IGSF11: variants seen among roughly 807,000 people sequenced by gnomAD.
The protein encoded by IGSF11 is immunoglobulin superfamily member 11.
A neutral mutation model predicts 41.0 loss-of-function variants in IGSF11; 22 were observed. That is an observed-to-expected ratio of 0.54 (90% CI 0.38 to 0.77). IGSF11 has a LOEUF of 0.77. Ranked by LOEUF, IGSF11 falls within the 30% of genes least tolerant of loss-of-function variation. The pLI, the probability that IGSF11 is intolerant of heterozygous loss-of-function variation, is 0.00. For synonymous variants in IGSF11, 219 were observed against 201.3 expected (o/e 1.09, Z -0.74); for missense variants, 444 against 530.8 (o/e 0.84, Z 1.61).
intron 1 of IGSF11, among the ~76,000 whole-genome samples, chr3:119,128,984 T>C (rs1041165014): frequency 2.6e-5 from 4 of 152,088 alleles, no homozygotes; most frequent in African/African-American, 9.7e-5. Flanking sequence ...TATGAAGCCA[T>C]AAAAAATGAG....
At chr3:119,051,221 A>C (rs1941613611) in intron 1 of IGSF11, among the ~76,000 whole-genome samples, 1 of 151,968 alleles carries the variant, frequency 6.6e-6, no homozygotes, top group Non-Finnish European at 1.5e-5. Flanking sequence ...TGCTGTCTTC[A>C]AGAGATTCAG....
At chr3:119,005,860 A>T (rs1159623133) in intron 1 of IGSF11, among the ~76,000 whole-genome samples, 1 of 126,324 alleles carries the variant, frequency 7.9e-6, no homozygotes, top group African/African-American at 3.8e-5. Context: ...CTTCCCTTTG[A>T]GGGTAACCCG....
At chr3:119,116,560 T>C (rs1013593644) in intron 1 of IGSF11, among the ~76,000 whole-genome samples, 3 of 152,206 alleles carry the variant, frequency 2.0e-5, no homozygotes, top group Admixed American at 2.0e-4. Flanking sequence ...ATTCCTGGCA[T>C]ATTGGGCCAT....
At chr3:119,046,288 G>A (rs993824125) in intron 1 of IGSF11, among the ~76,000 whole-genome samples, 3,752 of 151,040 alleles carry the variant, frequency 0.025, 158 homozygotes, top group African/African-American at 0.086. Flanking sequence ...CCAATACAGA[G>A]AAGTGCTTAA....
At chr3:118,932,916 T>C (rs533936985) in intron 1 of IGSF11, among the ~76,000 whole-genome samples, 2 of 152,292 alleles carry the variant, frequency 1.3e-5, no homozygotes, top group Non-Finnish European at 2.9e-5. Flanking sequence ...CAATCTTTGA[T>C]ACAAATTTTT....
intron 1 of IGSF11, among the ~76,000 whole-genome samples, chr3:119,132,418 C>A (rs1258612709): frequency 7.2e-6 from 1 of 139,792 alleles, no homozygotes; most frequent in South Asian, 2.3e-4. Context: ...GCAGGGGTTG[C>A]GATCCTAGTC....
In IGSF11 at chr3:118,902,774, G is replaced by A; in HGVS notation, c.1042C>T (p.His348Tyr). Residue 348 changes from histidine (H) to tyrosine (Y), a missense_variant, in exon 7 of 7, where the codon CAC becomes TAC. By Grantham distance (83) the His-to-Tyr change is moderately conservative (BLOSUM62 2). This residue lies in a region of IGSF11 where 223 missense variants were observed against 226.2 expected (regional missense o/e 0.99). Coordinates refer to ENST00000393775, the MANE Select transcript of IGSF11 (RefSeq NM_001015887.3). Reference protein sequence around the residue: ...FSDLGQSFSFHSGNANIPSIY... With the variant: ...FSDLGQSFSFYSGNANIPSIY... ...GATGGTATGTTGGCATTGCCTGAGT[G>A]GAAAGAGAAAGATTGGCCCAAGTCA... 1 of 1,614,176 alleles carries A rather than the reference G, an allele frequency of 6.2e-7. No homozygotes were observed. The highest frequency in any genetic ancestry group is 8.5e-7 in the Non-Finnish European group (1 of 1,180,006).
intron 1 of IGSF11, among the ~76,000 whole-genome samples, chr3:118,994,025 T>G (rs953365413): frequency 6.6e-6 from 1 of 152,234 alleles, no homozygotes; most frequent in African/African-American, 2.4e-5. Context: ...ATATGAATTA[T>G]ATGTCAATAA....
At chr3:118,993,718 C>CT (rs1374892855) in intron 1 of IGSF11, among the ~76,000 whole-genome samples, 1 of 152,052 alleles carries the variant, frequency 6.6e-6, no homozygotes, top group East Asian at 1.9e-4. Flanking sequence ...ATGGATGAAC[C>CT]TTGAAAACAT....
At chr3:118,947,546 T>C (rs552243356) in intron 1 of IGSF11, 2 of 152,312 alleles carry the variant, frequency 1.3e-5, no homozygotes, top group Admixed American at 1.3e-4. Flanking sequence ...CCAATACTTG[T>C]TATAAATAAG....
rs867018374 is a variant in IGSF11 at position 119,083,203 on chromosome 3, C to T, written c.49+21941G>A. On this transcript the variant is annotated intron_variant, in intron 1 of 6. Coordinates refer to the IGSF11 transcript ENST00000354673. ...GGTGGAGTGCAGTGGCATGATCTTG[C>T]TGCGGCCTCGACTTCGTGGGCTCAG... Among the ~76,000 whole-genome samples the T allele has an allele frequency of 2.8e-5, 4 of 144,246 alleles. No homozygotes were observed. The Admixed American group carries it at 2.8e-4, about 10-fold the overall frequency. 94.6% of individuals were successfully genotyped at this position (144,246 alleles called of 152,430 possible).
At chr3:119,092,403 T>C (rs2076778490) in intron 1 of IGSF11, among the ~76,000 whole-genome samples, 1 of 152,106 alleles carries the variant, frequency 6.6e-6, no homozygotes. Flanking sequence ...TGGCGCAATT[T>C]TGGCTCACTG....
chr3:118,923,262 A>C (rs1191562702), intron 4 of IGSF11, among the ~76,000 whole-genome samples: 1 of 152,176 alleles, frequency 6.6e-6, no homozygotes, highest in Non-Finnish European at 1.5e-5. Context: ...GACTCGGGCA[A>C]GTAACCAGTG....
At chr3:119,124,611 C>T (rs937499724) in intron 1 of IGSF11, among the ~76,000 whole-genome samples, 1 of 151,552 alleles carries the variant, frequency 6.6e-6, no homozygotes, top group Non-Finnish European at 1.5e-5. Flanking sequence ...TGAAAATATA[C>T]AGTCAGAAGA....
intron 1 of IGSF11, among the ~76,000 whole-genome samples, chr3:119,057,411 A>T (rs547940362): frequency 4.6e-5 from 7 of 152,288 alleles, no homozygotes; most frequent in African/African-American, 1.7e-4. Flanking sequence ...AATCCAACTT[A>T]CAAGGGATGT....
intron 1 of IGSF11, among the ~76,000 whole-genome samples, chr3:119,020,661 T>C (rs1381263764): frequency 1.3e-5 from 2 of 152,234 alleles, no homozygotes; most frequent in African/African-American, 4.8e-5. Context: ...GTTGTTCCTT[T>C]TCTCCTTACA....
At chr3:119,076,253 C>A (rs1250506514) in intron 1 of IGSF11, among the ~76,000 whole-genome samples, 10 of 152,124 alleles carry the variant, frequency 6.6e-5, no homozygotes, top group African/African-American at 1.7e-4. Context: ...CTTATACAAA[C>A]ATTAATTCAA....
In IGSF11 at chr3:119,055,536, C is replaced by G. The variant is rs187115733; in HGVS notation, c.49+49608G>C. 6.6e-5 allele frequency among the ~76,000 whole-genome samples: 10 copies of G among 152,264 alleles called. 1 individual carries two copies. The South Asian group carries it at 2.1e-3, about 32-fold the overall frequency. On this transcript the variant is annotated intron_variant, in intron 1 of 6. Transcript: ENST00000354673. ...AGTAATAATGGGAGACTTTTAACAA[C>G]CCACTGTCAACATTAGACAGAACAA... is the stretch of plus-strand genomic sequence containing the variant.
At chr3:119,104,889 C>T in intron 1 of IGSF11, among the ~76,000 whole-genome samples, 1 of 152,136 alleles carries the variant, frequency 6.6e-6, no homozygotes, top group East Asian at 1.9e-4. Flanking sequence ...CACCCTCCAG[C>T]ATATGCATTC....
Sources: allele counts gnomAD v4.1 joint callset (sites outside exome capture counted in the v4.1 genomes callset), GRCh38; gene constraint gnomAD v4.1.1; regional missense constraint gnomAD v4.1.1; transcripts MANE v1.5; gene names NCBI Gene and HGNC (gene_info 2026-07-23, HGNC 2026-07-21).